Variants in AKAP9 observed in about 807,000 individuals in gnomAD.
AKAP9 encodes A-kinase anchor protein 9.
Under a neutral mutation model 488.5 loss-of-function variants are expected in AKAP9, and 311 were observed. The ratio of observed to expected loss-of-function variants is 0.64; its 90% confidence interval spans 0.58 to 0.70. The LOEUF is 0.70. Ranked by LOEUF, AKAP9 falls within the 30% of genes least tolerant of loss-of-function variation. AKAP9 has a pLI of 0.00. For synonymous variants in AKAP9, 1,462 were observed against 1,483.5 expected, an observed-to-expected ratio of 0.99 and a Z score of 0.33; for missense variants, 4,215 against 4,374.5, an observed-to-expected ratio of 0.96 and a Z score of 1.03.
Position 92,002,044 on chromosome 7 carries a change from T to G in AKAP9, c.2127T>G (p.Leu709=), listed in dbSNP as rs1484872137. The part of the protein sequence containing the change: ...ISKLKDLQQS[L]VNSKSEEMTL... Reference sequence around the variant, plus strand: ...AGCTAAAAGATTTACAGCAGTCTCTTGTAAATTCAAAGTCAGAAGAAATGA... The same window carrying G: ...AGCTAAAAGATTTACAGCAGTCTCTGGTAAATTCAAAGTCAGAAGAAATGA... Residue 709 remains leucine, a synonymous_variant, in exon 8 of 50, where the codon CTT becomes CTG. Coordinates refer to ENST00000356239, the MANE Select transcript of AKAP9 (RefSeq NM_005751.5). The G allele has an allele frequency of 6.2e-7, 1 of 1,604,402 alleles. No individual in the cohort carries two copies. Among genetic ancestry groups the G allele is most frequent in the Non-Finnish European group, 8.5e-7 (1 of 1,177,252 alleles).
At position 92,000,670 on chromosome 7, in the gene AKAP9, T is replaced by G. The variant is rs3753108; in HGVS notation, c.931-178T>G. ...AGTGTTTGCTCACAAGTAGTGTTGGTTACACGAGTTCTAAGTGTCATTATT... is the reference window on the plus strand; with the variant it reads ...AGTGTTTGCTCACAAGTAGTGTTGGGTACACGAGTTCTAAGTGTCATTATT... On this transcript the variant is annotated intron_variant, in intron 7 of 49. Coordinates refer to ENST00000356239, the MANE Select transcript of AKAP9 (RefSeq NM_005751.5). Among the ~76,000 whole-genome samples, 68,220 of 151,922 alleles carry G rather than the reference T, an allele frequency of 0.45. 16,391 individuals are homozygous for G. The highest frequency in any genetic ancestry group is 0.63 in the African/African-American group (25,993 of 41,426).
At chr7:91,968,712 A>G (rs1028233208) in intron 1 of AKAP9, among the ~76,000 whole-genome samples, 4 of 151,992 alleles carry the variant, frequency 2.6e-5, no homozygotes, top group Admixed American at 2.0e-4. Flanking sequence ...TCTTTCTCAT[A>G]TTGTTTTATT....
At chr7:92,009,898 G>T (rs1005247262) in intron 8 of AKAP9, among the ~76,000 whole-genome samples, 1 of 152,004 alleles carries the variant, frequency 6.6e-6, no homozygotes, top group Non-Finnish European at 1.5e-5. Context: ...TTTTGTTTTT[G>T]AGATGAGGTC....
chr7:92,083,681 T>TAATATATGTG, intron 33 of AKAP9, 26 bp downstream of exon 33: 1 of 1,604,394 alleles, frequency 6.2e-7, no homozygotes. Context: ...AATATGTGTT[T>TAATATATGTG]TTCAACATTG....
intron 37 of AKAP9, among the ~76,000 whole-genome samples, chr7:92,088,582 T>G (rs189897279): frequency 6.6e-6 from 1 of 152,162 alleles, no homozygotes; most frequent in South Asian, 2.1e-4. Flanking sequence ...GACAAAATTA[T>G]AGTAATAGAA....
chr7:92,062,404 G>A lies in AKAP9; in HGVS notation c.5895G>A (p.Glu1965=), dbSNP rs138928104. The A allele has an allele frequency of 2.6e-4, 418 of 1,613,872 alleles. 3 individuals are homozygous for A. The highest frequency in any genetic ancestry group is 1.3e-3 in the South Asian group (121 of 91,082). Residue 1965 remains glutamate, a synonymous_variant, in exon 24 of 50, where the codon GAG becomes GAA. Coordinates refer to ENST00000356239, the MANE Select transcript of AKAP9 (RefSeq NM_005751.5). ...ACAGGTTGCAAGAATTGGAGGCAGA[G>A]CAACAGCAGATCCAAGAAGAAAGAG... The part of the protein sequence containing the change: ...ASNRLQELEA[E]QQQIQEEREL...
intron 15 of AKAP9, among the ~76,000 whole-genome samples, chr7:92,031,187 TAAAAG>T (rs1804176492): frequency 1.3e-5 from 2 of 152,194 alleles, no homozygotes; most frequent in South Asian, 4.1e-4. Context: ...ACATTTTACT[TAAAAG>T]GAAATCTGTA....
chr7:91,964,007 G>A (rs966755894), intron 1 of AKAP9, among the ~76,000 whole-genome samples: 4 of 151,866 alleles, frequency 2.6e-5, no homozygotes, highest in Admixed American at 2.6e-4. Flanking sequence ...CTCTCAGAAT[G>A]ACCAAAGAGC....
intron 6 of AKAP9, 135 bp downstream of exon 6, chr7:91,994,911 T>C: frequency 1.4e-6 from 1 of 727,012 alleles, no homozygotes; most frequent in Non-Finnish European, 2.3e-6. Flanking sequence ...AGTGAATATG[T>C]GTTGCTATAT....
chr7:92,093,403 C>A, intron 39 of AKAP9, 87 bp downstream of exon 39: 1 of 1,140,746 alleles, frequency 8.8e-7, no homozygotes, highest in Non-Finnish European at 1.3e-6. Context: ...AGAAATGTAA[C>A]ATGCATGATA....
chr7:92,103,420 G>C (rs1425785130), intron 46 of AKAP9, among the ~76,000 whole-genome samples: 2 of 148,640 alleles, frequency 1.3e-5, no homozygotes, highest in East Asian at 4.0e-4. Flanking sequence ...AAAAGGCCGG[G>C]CATGGTGGCT....
Position 92,040,646 on chromosome 7 carries a change from G to GTTT in AKAP9, c.4693-13_4693-11dup, listed in dbSNP as rs71292989. ...TTACAAAATGTGTTATGGTTGAATTGTTTTTTTTTTTTTTTTTACTATTAA... is the reference window on the plus strand; with the variant it reads ...TTACAAAATGTGTTATGGTTGAATTGTTTTTTTTTTTTTTTTTTTTACTATTAA... On this transcript the variant is annotated intron_variant, in intron 17 of 49. Coordinates refer to ENST00000356239, the MANE Select transcript of AKAP9 (RefSeq NM_005751.5). 1,260 of 1,117,538 alleles carry GTTT rather than the reference G, an allele frequency of 1.1e-3. 1 individual carries two copies. The highest frequency in any genetic ancestry group is 1.9e-3 in the South Asian group (130 of 66,686). 69.2% of individuals were successfully genotyped at this position (1,117,538 alleles called of 1,614,324 possible).
Position 91,940,961 on chromosome 7 carries a change from T to C in AKAP9, c.-139T>C, listed in dbSNP as rs1790667118. 1 of 907,490 alleles carries C rather than the reference T, an allele frequency of 1.1e-6. No individual in the cohort carries two copies. Among genetic ancestry groups the C allele is most frequent in the Non-Finnish European group, 1.8e-6 (1 of 550,764 alleles). The allele number at this position is 907,490 out of a possible 1,614,324, so 56.2% of individuals were successfully genotyped here. A position where few individuals can be genotyped will look rare whatever the true frequency, so the allele number is the denominator to read the frequency against. On this transcript the variant is annotated 5_prime_UTR_variant, in exon 1 of 50. Transcript: ENST00000356239. Reference sequence around the variant, plus strand: ...CAGTGAGCGCGGAGACTGCTTCCACTTCGGGCGGGGGAGCGCCGGACCGAA... The same window carrying C: ...CAGTGAGCGCGGAGACTGCTTCCACCTCGGGCGGGGGAGCGCCGGACCGAA...
intron 22 of AKAP9, among the ~76,000 whole-genome samples, chr7:92,055,067 T>A (rs556405369): frequency 6.6e-6 from 1 of 152,022 alleles, no homozygotes; most frequent in African/African-American, 2.4e-5. Context: ...TTTAGAGCCA[T>A]AGGAGGTTAT....
intron 3 of AKAP9, among the ~76,000 whole-genome samples, chr7:91,984,824 T>C (rs1796863331): frequency 6.6e-6 from 1 of 152,222 alleles, no homozygotes; most frequent in Non-Finnish European, 1.5e-5. Flanking sequence ...TGGTTTGTAG[T>C]TCTCCTTGAA....
Position 92,066,468 on chromosome 7 carries a change from A to G in AKAP9, c.6252A>G (p.Gln2084=), listed in dbSNP as rs746755170. ...IDREHERDVF[Q]QEIQKLEQQL... ...GAGAACATGAGAGAGATGTATTCCA[A>G]CAGGAAATACAGAAACTAGAACAGC... The change falls in exon 26 of 50, where the codon CAA becomes CAG. Residue 2084 remains glutamine (Q), a synonymous_variant. Transcript: ENST00000356239. 1 of 1,612,882 alleles carries G rather than the reference A, an allele frequency of 6.2e-7. No individual in the cohort carries two copies. The highest frequency in any genetic ancestry group is 1.1e-5 in the South Asian group (1 of 91,062).
chr7:92,029,951 C>T lies in AKAP9; in HGVS notation c.4205C>T (p.Pro1402Leu). 6.2e-7 allele frequency: 1 copy of T among 1,612,972 alleles called. No individual in the cohort carries two copies. The highest frequency in any genetic ancestry group is 8.5e-7 in the Non-Finnish European group (1 of 1,179,290). The change falls in exon 15 of 50, where the codon CCT becomes CTT. Residue 1402 changes from proline (P) to leucine (L), a missense_variant. Around this residue, in one of 5 missense-constraint regions of AKAP9, gnomAD observed 2,361 missense variants for 2,430.0 expected, o/e 0.97. Coordinates refer to ENST00000356239, the MANE Select transcript of AKAP9 (RefSeq NM_005751.5). ...TESDAQRTMYPGSCVKKNIDG... is the reference protein window; with the variant it reads ...TESDAQRTMYLGSCVKKNIDG... ...TCTGATGCACAGAGAACAATGTACCCTGGAAGTTGTGTGAAAAAGAATATT... is the reference window on the plus strand; with the variant it reads ...TCTGATGCACAGAGAACAATGTACCTTGGAAGTTGTGTGAAAAAGAATATT...
chr7:91,954,620 C>G (rs1040216881), intron 1 of AKAP9, among the ~76,000 whole-genome samples: 1 of 152,198 alleles, frequency 6.6e-6, no homozygotes, highest in African/African-American at 2.4e-5. Context: ...TTATATAAAT[C>G]ATAGAAACAC....
At chr7:91,961,792 TGA>T (rs1793763322) in intron 1 of AKAP9, among the ~76,000 whole-genome samples, 1 of 151,418 alleles carries the variant, frequency 6.6e-6, no homozygotes, top group South Asian at 2.1e-4. Flanking sequence ...TGCAGTGAGC[TGA>T]GATCGCGCCA....
Sources: gnomAD v4.1 joint callset for allele counts (sites outside exome capture counted in the v4.1 genomes callset) on GRCh38, gnomAD v4.1.1 for gene constraint, gnomAD v4.1.1 regional missense constraint, MANE v1.5 for transcripts, NCBI Gene and HGNC (gene_info 2026-07-23, HGNC 2026-07-21) for gene names.